NTM: variants seen among roughly 807,000 people sequenced by gnomAD.
NTM encodes the protein IgLON family member 2.
NTM carries 13 observed loss-of-function variants against 42.1 expected under a neutral mutation model. The observed-to-expected ratio is 0.31, with a 90% CI of 0.20 to 0.49. The LOEUF (loss-of-function observed/expected upper bound fraction) is 0.49, where lower values mean the gene tolerates loss of function less well. NTM is among the 20% of genes least tolerant of loss of function. NTM has a pLI of 0.99. For missense variants in NTM, 373 were observed against 452.8 expected, an observed-to-expected ratio of 0.82 and a Z score of 1.60; for synonymous variants, 187 against 179.2, an observed-to-expected ratio of 1.04 and a Z score of -0.35.
chr11:131,632,895 G>T (rs535490359), intron 1 of NTM, among the ~76,000 whole-genome samples: 28 of 147,118 alleles, frequency 1.9e-4, no homozygotes, highest in Admixed American at 1.4e-3. Flanking sequence ...GGATGGTCTC[G>T]ATCTCCTGAC....
chr11:132,179,151 G>T (rs927048626), intron 3 of NTM, among the ~76,000 whole-genome samples: 1 of 152,196 alleles, frequency 6.6e-6, no homozygotes, highest in Middle Eastern at 3.2e-3. Flanking sequence ...ACAATGAACT[G>T]CTGCAAGATG....
At chr11:132,099,385 T>A (rs2061381154) in intron 2 of NTM, among the ~76,000 whole-genome samples, 1 of 152,260 alleles carries the variant, frequency 6.6e-6, no homozygotes, top group African/African-American at 2.4e-5. Context: ...TGATGTTCAA[T>A]ATATGCTGAT....
intron 1 of NTM, among the ~76,000 whole-genome samples, chr11:131,753,815 C>T (rs2082910703): frequency 6.6e-6 from 1 of 151,578 alleles, no homozygotes; most frequent in South Asian, 2.1e-4. Flanking sequence ...ATGGGTGCAG[C>T]ACACCAGCAT....
At chr11:131,732,935 ATTATTATTTATTAAT>A (rs1378602832) in intron 1 of NTM, among the ~76,000 whole-genome samples, 1 of 152,086 alleles carries the variant, frequency 6.6e-6, no homozygotes, top group African/African-American at 2.4e-5. Context: ...TATGTCAGTG[ATTATTATTTATTAAT>A]TTATATAATT....
chr11:132,297,976 G>A (rs1189748809), intron 4 of NTM, among the ~76,000 whole-genome samples: 1 of 152,160 alleles, frequency 6.6e-6, no homozygotes, highest in African/African-American at 2.4e-5. Context: ...TGTATTGATG[G>A]CTAAATCATA....
At chr11:131,395,616 C>T (rs1944465290) in intron 1 of NTM, among the ~76,000 whole-genome samples, 1 of 152,184 alleles carries the variant, frequency 6.6e-6, no homozygotes, top group African/African-American at 2.4e-5. Flanking sequence ...CCCCTTATAG[C>T]TCTCCATTAA....
intron 2 of NTM, among the ~76,000 whole-genome samples, chr11:131,996,989 AC>A: frequency 6.6e-6 from 1 of 152,230 alleles, no homozygotes; most frequent in East Asian, 1.9e-4. Flanking sequence ...AGCCTGGACA[AC>A]CCATAGCCTC....
At chr11:131,477,101 G>C (rs1019902864) in intron 1 of NTM, among the ~76,000 whole-genome samples, 11 of 152,066 alleles carry the variant, frequency 7.2e-5, no homozygotes, top group African/African-American at 2.4e-4. Flanking sequence ...GCTTGGAGGA[G>C]AAAGGGTAAT....
intron 1 of NTM, among the ~76,000 whole-genome samples, chr11:131,730,735 G>GA: frequency 6.8e-6 from 1 of 146,218 alleles, no homozygotes; most frequent in South Asian, 2.2e-4. Context: ...AAGAAGAAGA[G>GA]AAGAAGACGA....
At chr11:132,150,260 G>A (rs1006449898) in intron 3 of NTM, among the ~76,000 whole-genome samples, 1 of 152,028 alleles carries the variant, frequency 6.6e-6, no homozygotes, top group African/African-American at 2.4e-5. Flanking sequence ...CCCACCCCCT[G>A]CATTTATCTA....
intron 1 of NTM, among the ~76,000 whole-genome samples, chr11:131,895,339 C>A (rs2052096013): frequency 6.6e-6 from 1 of 152,002 alleles, no homozygotes; most frequent in Admixed American, 6.6e-5. Flanking sequence ...CCTCATCTGA[C>A]ACTCTGCATA....
chr11:132,130,952 G>A (rs1021311565), intron 2 of NTM, among the ~76,000 whole-genome samples: 8 of 152,216 alleles, frequency 5.3e-5, no homozygotes, highest in African/African-American at 1.4e-4. Context: ...TGGGATTTGA[G>A]ATGTGTCTCT....
At chr11:132,087,524 C>T (rs1297722220) in intron 2 of NTM, among the ~76,000 whole-genome samples, 1 of 152,094 alleles carries the variant, frequency 6.6e-6, no homozygotes, top group African/African-American at 2.4e-5. Flanking sequence ...GGTGCCTGGT[C>T]TCATCAATCC....
intron 1 of NTM, among the ~76,000 whole-genome samples, chr11:131,599,304 G>A (rs1452057410): frequency 6.6e-6 from 1 of 151,836 alleles, no homozygotes; most frequent in African/African-American, 2.4e-5. Flanking sequence ...GTCTCCGGCA[G>A]ATGCCCTGTC....
chr11:132,179,964 G>A (rs1437677408), intron 3 of NTM, among the ~76,000 whole-genome samples: 1 of 152,122 alleles, frequency 6.6e-6, no homozygotes, highest in Non-Finnish European at 1.5e-5. Flanking sequence ...TTCGTTATTA[G>A]AAAATAGTGT....
At chr11:132,104,583 C>CA (rs1260775212) in intron 2 of NTM, among the ~76,000 whole-genome samples, 4 of 140,462 alleles carry the variant, frequency 2.8e-5, no homozygotes, top group Non-Finnish European at 4.6e-5. Context: ...GGGACCCCCC[C>CA]CCACCAAAAA....
chr11:132,126,696 G>A (rs2065896488), intron 2 of NTM, among the ~76,000 whole-genome samples: 1 of 152,178 alleles, frequency 6.6e-6, no homozygotes, highest in Admixed American at 6.5e-5. Flanking sequence ...ATGGAAATGC[G>A]GAAGGAGAAA....
At chr11:132,069,412 G>A (rs2057072197) in intron 2 of NTM, among the ~76,000 whole-genome samples, 1 of 98,088 alleles carries the variant, frequency 1.0e-5, no homozygotes, top group African/African-American at 4.8e-5. Flanking sequence ...ACGTCAAACT[G>A]ACTGTCACCG....
intron 1 of NTM, among the ~76,000 whole-genome samples, chr11:131,442,268 G>T (rs1949682676): frequency 6.6e-6 from 1 of 152,136 alleles, no homozygotes; most frequent in Non-Finnish European, 1.5e-5. Flanking sequence ...GGTTGAGACT[G>T]AGACTCACAT....
Sources: gnomAD v4.1 joint callset for allele counts (sites outside exome capture counted in the v4.1 genomes callset) on GRCh38, gnomAD v4.1.1 for gene constraint, MANE v1.5 for transcripts, NCBI Gene and HGNC (gene_info 2026-07-23, HGNC 2026-07-21) for gene names.